The following TREML1 variants were observed in gnomAD, a reference collection of about 807,000 sequenced individuals.
The protein encoded by TREML1 is triggering receptor expressed on myeloid cells like 1, also known as trem-like transcript 1 protein.
A neutral mutation model predicts 22.8 loss-of-function variants in TREML1; 27 were observed. The observed-to-expected ratio is 1.19, with a 90% CI of 0.87 to 1.64. The LOEUF (loss-of-function observed/expected upper bound fraction) is 1.64. Among genes scored for constraint, TREML1 ranks in the 40% most tolerant of loss-of-function variants. The pLI, the probability that TREML1 is intolerant of heterozygous loss-of-function variation, is 0.00. For missense variants in TREML1, 356 were observed against 382.0 expected (o/e 0.93, Z 0.57); for synonymous variants, 153 against 161.9 (o/e 0.94, Z 0.42).
At position 41,151,764 on chromosome 6, in the gene TREML1, C is replaced by T. The variant is rs1050465992; in HGVS notation, c.377-380G>A. The T allele has an allele frequency of 1.5e-5, 3 of 203,470 alleles. No homozygotes were observed. The East Asian group carries it at 3.2e-4, about 22-fold the overall frequency. The allele number at this position is 203,470 out of a possible 1,614,324, so 12.6% of individuals were successfully genotyped here. A position where few individuals can be genotyped will look rare whatever the true frequency, so the allele number is the denominator to read the frequency against. On this transcript the variant is annotated intron_variant, in intron 2 of 5. Transcript: ENST00000426005. ...GATGATCTGTACCCACCTCTCCTTC[C>T]CACCCGAATAGGTTTCTGCAGTTCT... is the stretch of plus-strand genomic sequence containing the variant.
chr6:41,151,018 G>A (rs1021285528), intron 3 of TREML1, 111 bp from the exon 4 acceptor site: 14 of 932,156 alleles, frequency 1.5e-5, no homozygotes, highest in Non-Finnish European at 2.0e-5. Context: ...GGGAGAGGGA[G>A]ATGAAATAGA....
In TREML1 at chr6:41,149,744, G is replaced by T; in HGVS notation, c.796C>A (p.Pro266Thr). 6.2e-7 allele frequency: 1 copy of T among 1,614,226 alleles called. No individual in the cohort carries two copies. Among genetic ancestry groups the T allele is most frequent in the Non-Finnish European group, 8.5e-7 (1 of 1,180,040 alleles). ...ACCAGGACCTTAGGAGGTAGAGGGG[G>T]CAATGAGGATGGAGCTGGGAGTGAA... is the stretch of plus-strand genomic sequence containing the variant. The part of the protein sequence containing the change: ...KPSLPAPSSL[P>T]PLPPKVLVCS... Residue 266 changes from proline (P) to threonine (T), a missense_variant, in exon 6 of 6, where the codon CCC (proline) becomes ACC (threonine). By Grantham distance (38) the Pro-to-Thr change is conservative. Transcript: ENST00000426005.
intron 2 of TREML1, among the ~76,000 whole-genome samples, chr6:41,153,149 C>A (rs1765314100): frequency 6.7e-6 from 1 of 149,712 alleles, no homozygotes. Context: ...GGGAATGAAA[C>A]CTGCAAAAAC....
chr6:41,151,005 A>T, intron 3 of TREML1, 98 bp from the exon 4 acceptor site: 1 of 1,036,366 alleles, frequency 9.6e-7, no homozygotes, highest in Non-Finnish European at 1.5e-6. Context: ...TACATTCTTG[A>T]TTGGGAGAGG....
chr6:41,150,683 G>A (rs1212754543), intron 4 of TREML1, 136 bp downstream of exon 4: 11 of 748,094 alleles, frequency 1.5e-5, no homozygotes, highest in East Asian at 5.3e-5. Flanking sequence ...GGAATTCTAG[G>A]ATATGGGGGC....
intron 4 of TREML1, 111 bp from the exon 5 acceptor site, chr6:41,150,424 C>T (rs748899064): frequency 3.1e-6 from 3 of 970,018 alleles, no homozygotes; most frequent in African/African-American, 1.6e-5. Flanking sequence ...TGCAGACTCA[C>T]CTTCCCCACT....
Position 41,150,907 on chromosome 6 carries a change from G to C in TREML1, c.480C>G (p.Ser160Arg), listed in dbSNP as rs1444202130. Residue 160 changes from serine (S) to arginine (R), a missense_variant and splice_region_variant, in exon 4 of 6, where the codon AGC becomes AGG. Ser to Arg is a moderately radical substitution (Grantham distance 110). Transcript: ENST00000426005. The part of the protein sequence containing the change: ...NPLEPSQDEK[S>R]IPLIWGAVLL... ...GCACAGCACCCCAGATCAAGGGGAT[G>C]CTGAGGAACAGAAAGGGATAGGCAG... is the stretch of plus-strand genomic sequence containing the variant. 2 of 1,614,018 alleles carry C rather than the reference G, an allele frequency of 1.2e-6. No homozygotes were observed. Among genetic ancestry groups the C allele is most frequent in the Non-Finnish European group, 8.5e-7 (1 of 1,179,898 alleles).
chr6:41,149,894 C>A lies in TREML1; in HGVS notation c.646G>T (p.Val216Phe). The change falls in exon 6 of 6, where the codon GTC becomes TTC. Residue 216 changes from valine to phenylalanine, a missense_variant. Val to Phe is a conservative substitution (Grantham distance 50). Coordinates refer to ENST00000426005, the MANE Select transcript of TREML1 (RefSeq NM_178174.4). ...GMNPSSVVHHVSDSGPAAELP... is the reference protein window; with the variant it reads ...GMNPSSVVHHFSDSGPAAELP... ...TCAGCAGCCGGTCCAGAGTCACTGACGTGGTGGACCACTGAGGAGGGATTC... is the reference window on the plus strand; with the variant it reads ...TCAGCAGCCGGTCCAGAGTCACTGAAGTGGTGGACCACTGAGGAGGGATTC... 1.2e-6 allele frequency: 2 copies of A among 1,613,740 alleles called. No homozygotes were observed. The highest frequency in any genetic ancestry group is 1.7e-6 in the Non-Finnish European group (2 of 1,179,848).
At chr6:41,154,982 C>T (rs1250757682), upstream of TREML1, among the ~76,000 whole-genome samples, 1 of 152,108 alleles carries the variant, frequency 6.6e-6, no homozygotes, top group Non-Finnish European at 1.5e-5. Flanking sequence ...ATCTCATTTT[C>T]ATATCTTTTC....
intron 2 of TREML1, chr6:41,151,638 G>T: frequency 2.0e-6 from 1 of 493,242 alleles, no homozygotes; most frequent in South Asian, 2.4e-5. Context: ...TCTACCACCA[G>T]CTCCCCCCAT....
At chr6:41,153,463 A>G (rs1003422723) in intron 2 of TREML1, among the ~76,000 whole-genome samples, 1 of 152,062 alleles carries the variant, frequency 6.6e-6, no homozygotes, top group African/African-American at 2.4e-5. Context: ...ATAAGTTAGC[A>G]TCAAGTATGT....
chr6:41,149,619 C>G lies in TREML1; in HGVS notation c.921G>C (p.Gln307His). The stretch of plus-strand genomic sequence containing the variant: ...GATGAGCAGCTTAGCTGGATGGAGT[C>G]TGATTGTTAGGTGGATTCTGGGCTG... ...CGPAQNPPNN[Q>H]TPSS is the part of the protein sequence containing the mutation. Residue 307 changes from glutamine (Q) to histidine (H), a missense_variant, in exon 6 of 6, where the codon CAG (glutamine) becomes CAC (histidine). Gln to His is a conservative substitution (Grantham distance 24). Transcript: ENST00000426005. The G allele has an allele frequency of 6.2e-7, 1 of 1,611,758 alleles. No homozygotes were observed. The highest frequency in any genetic ancestry group is 1.1e-5 in the South Asian group (1 of 90,896).
chr6:41,150,818 C>T lies in TREML1; in HGVS notation c.568+1G>A, dbSNP rs771997242. On this transcript the variant is annotated splice_donor_variant, in intron 4 of 5. Transcript: ENST00000426005. LOFTEE classifies it high-confidence loss of function. Reference sequence around the variant, plus strand: ...GCTGAGATAGGAAGATAGCCACCTACCTTGTTTCCTCTTGGCCATCACAGC... The same window carrying T: ...GCTGAGATAGGAAGATAGCCACCTATCTTGTTTCCTCTTGGCCATCACAGC... The T allele has an allele frequency of 2.5e-5, 41 of 1,613,686 alleles. No homozygotes were observed. The highest frequency in any genetic ancestry group is 7.7e-5 in the South Asian group (7 of 91,070).
rs1765201484 is a variant in TREML1, at chr6:41,149,920, T to G, written c.622-2A>C. The G allele has an allele frequency of 2.5e-6, 4 of 1,610,364 alleles. No homozygotes were observed. The East Asian group carries it at 8.9e-5, about 36-fold the overall frequency. ...GTGGTGGACCACTGAGGAGGGATTCTGTAACAAAAGCAGGCAAGTCAGGAA... is the reference window on the plus strand; with the variant it reads ...GTGGTGGACCACTGAGGAGGGATTCGGTAACAAAAGCAGGCAAGTCAGGAA... On this transcript the variant is annotated splice_acceptor_variant, in intron 5 of 5. Coordinates refer to ENST00000426005, the MANE Select transcript of TREML1 (RefSeq NM_178174.4). LOFTEE classifies it high-confidence loss of function.
At chr6:41,155,324 G>A (rs1765391266), upstream of TREML1, among the ~76,000 whole-genome samples, 1 of 149,976 alleles carries the variant, frequency 6.7e-6, no homozygotes, top group African/African-American at 2.5e-5. Context: ...CCAGAGATTT[G>A]CTCGCATTCT....
At chr6:41,150,946 G>A (rs1214833647) in intron 3 of TREML1, 39 bp from the exon 4 acceptor site, 7 of 1,581,878 alleles carry the variant, frequency 4.4e-6, no homozygotes, top group Non-Finnish European at 5.2e-6. Flanking sequence ...TAGACCTGAA[G>A]CCTGTGGGGA....
At position 41,153,911 on chromosome 6, in the gene TREML1, T is replaced by C. The variant is rs200985714; in HGVS notation, c.223A>G (p.Arg75Gly). ...SAVDRRAPAG[R>G]RTFLTDLGGG... ...CCCAGGTCTGTGAGAAACGTACGCC[T>C]GCCCGCTGGAGCTCTGCGATCCACA... is the stretch of plus-strand genomic sequence containing the variant. Residue 75 changes from arginine to glycine, a missense_variant, in exon 2 of 6, where the codon AGG (arginine) becomes GGG (glycine). Coordinates refer to ENST00000426005, the MANE Select transcript of TREML1 (RefSeq NM_178174.4). 1.2e-6 allele frequency: 2 copies of C among 1,614,172 alleles called. No homozygotes were observed. The highest frequency in any genetic ancestry group is 2.7e-5 in the African/African-American group (2 of 75,036).
chr6:41,153,256 GC>G (rs1224479998), intron 2 of TREML1, among the ~76,000 whole-genome samples: 1 of 146,662 alleles, frequency 6.8e-6, no homozygotes, highest in African/African-American at 2.6e-5. Context: ...AGTTGTTCAG[GC>G]ACTGAATGTA....
chr6:41,151,057 A>C (rs1765231676), intron 3 of TREML1, 150 bp from the exon 4 acceptor site: 1 of 740,298 alleles, frequency 1.4e-6, no homozygotes, highest in East Asian at 2.7e-5. Context: ...GGTAGGGCAG[A>C]AGAGGGACTC....
Sources: gnomAD v4.1 joint callset for allele counts (sites outside exome capture counted in the v4.1 genomes callset) on GRCh38, gnomAD v4.1.1 for gene constraint, MANE v1.5 for transcripts, NCBI Gene and HGNC (gene_info 2026-07-23, HGNC 2026-07-21) for gene names.